MCUB: variants seen among roughly 807,000 people sequenced by gnomAD.
The protein encoded by MCUB is calcium uniporter regulatory subunit MCUb, mitochondrial.
MCUB carries 46 observed loss-of-function variants against 41.4 expected under a neutral mutation model. The ratio of observed to expected loss-of-function variants is 1.11; its 90% CI spans 0.88 to 1.42. The LOEUF (loss-of-function observed/expected upper bound fraction) is 1.42. Ranked by LOEUF, MCUB falls within the 40% of genes most tolerant of loss-of-function variation. The probability of loss-of-function intolerance (pLI) is 0.00; values close to 1 mark genes in which losing one functional copy is unlikely to be tolerated. For missense variants in MCUB, 403 were observed against 404.9 expected (o/e 1.00, Z 0.04); for synonymous variants, 148 against 148.2 (o/e 1.00, Z 0.01).
At chr4:109,620,743 T>C (rs371462859) in intron 1 of MCUB, among the ~76,000 whole-genome samples, 12 of 152,244 alleles carry the variant, frequency 7.9e-5, no homozygotes, top group Admixed American at 3.9e-4. Context: ...ATTGTCTTTA[T>C]GATGCTTTAT....
Position 109,560,394 on chromosome 4 carries a change from C to G in MCUB, c.57C>G (p.Thr19=). ...WRTRLLPTPG[T]WRPARPWPLP... is the part of the protein sequence containing the mutation. ...CGCGGCTGCTGCCGACCCCTGGCACCTGGCGCCCAGCGCGCCCGTGGCCGC... is the reference window on the plus strand; with the variant it reads ...CGCGGCTGCTGCCGACCCCTGGCACGTGGCGCCCAGCGCGCCCGTGGCCGC... Residue 19 remains threonine (T), a synonymous_variant, in exon 1 of 8, where the codon ACC becomes ACG. Coordinates refer to ENST00000394650, the MANE Select transcript of MCUB (RefSeq NM_017918.5). 1 of 1,326,144 alleles carries G rather than the reference C, an allele frequency of 7.5e-7. No individual in the cohort carries two copies. Among genetic ancestry groups the G allele is most frequent in the Non-Finnish European group, 9.6e-7 (1 of 1,038,118 alleles). 82.1% of individuals were successfully genotyped at this position (1,326,144 alleles called of 1,614,324 possible).
chr4:109,561,083 G>GT (rs1299122569), intron 1 of MCUB: 5 of 152,610 alleles, frequency 3.3e-5, no homozygotes, highest in African/African-American at 1.2e-4. Flanking sequence ...TGGAGGAGTA[G>GT]AGAGTGGATG....
chr4:109,624,026 A>C (rs1243622142), intron 1 of MCUB, among the ~76,000 whole-genome samples: 1 of 152,018 alleles, frequency 6.6e-6, no homozygotes, highest in Non-Finnish European at 1.5e-5. Flanking sequence ...ATTTTTAAAA[A>C]ATTTTTTGTA....
intron 1 of MCUB, among the ~76,000 whole-genome samples, chr4:109,615,564 C>T (rs951703456): frequency 9.9e-5 from 15 of 151,904 alleles, no homozygotes; most frequent in Non-Finnish European, 1.6e-4. Flanking sequence ...GCACCACCTA[C>T]GCCCGGCTAA....
intron 1 of MCUB, among the ~76,000 whole-genome samples, chr4:109,576,013 C>T (rs960284592): frequency 6.6e-6 from 1 of 152,190 alleles, no homozygotes; most frequent in Non-Finnish European, 1.5e-5. Context: ...GGATTCTCAC[C>T]TCTGCTGGCT....
intron 3 of MCUB, among the ~76,000 whole-genome samples, chr4:109,663,700 G>A (rs116033651): frequency 1.3e-5 from 2 of 152,046 alleles, no homozygotes; most frequent in African/African-American, 4.8e-5. Flanking sequence ...AGAAAGGCAG[G>A]GTTTTTAAAT....
intron 4 of MCUB, among the ~76,000 whole-genome samples, chr4:109,674,951 T>C (rs1465041280): frequency 6.6e-6 from 1 of 152,236 alleles, no homozygotes; most frequent in African/African-American, 2.4e-5. Flanking sequence ...AGCAAGCTGG[T>C]TTGGCCAGAC....
chr4:109,645,466 T>G (rs1217474261), intron 1 of MCUB, among the ~76,000 whole-genome samples: 1 of 150,730 alleles, frequency 6.6e-6, no homozygotes, highest in Non-Finnish European at 1.5e-5. Flanking sequence ...AAAGTCAAAT[T>G]ACTTCTAGAT....
In MCUB at chr4:109,687,538, G is replaced by A. The variant is rs753083690; in HGVS notation, c.957G>A (p.Ala319=). Residue 319 remains alanine (A), a synonymous_variant, in exon 8 of 8, where the codon GCG becomes GCA. Transcript: ENST00000394650. ...AGGCTAAAGAATCCCTGAAACAGGC[G>A]CGTCATTCTCTCTGTTTGCAAATGC... The part of the protein sequence containing the change: ...LAKAKESLKQ[A]RHSLCLQMQV... The A allele has an allele frequency of 3.3e-5, 53 of 1,612,302 alleles. No individual in the cohort carries two copies. The highest frequency in any genetic ancestry group is 4.4e-5 in the South Asian group (4 of 90,886).
At chr4:109,595,799 C>G in intron 1 of MCUB, among the ~76,000 whole-genome samples, 1 of 152,232 alleles carries the variant, frequency 6.6e-6, no homozygotes, top group Non-Finnish European at 1.5e-5. Flanking sequence ...TCATCTTGAC[C>G]AATGATAAAA....
chr4:109,597,808 G>A (rs1379769478), intron 1 of MCUB, among the ~76,000 whole-genome samples: 3 of 151,574 alleles, frequency 2.0e-5, no homozygotes, highest in African/African-American at 4.8e-5. Flanking sequence ...CGGGGCAGCT[G>A]CTGGGCAGAG....
At chr4:109,619,277 A>C (rs1728202254) in intron 1 of MCUB, among the ~76,000 whole-genome samples, 1 of 151,962 alleles carries the variant, frequency 6.6e-6, no homozygotes, top group Non-Finnish European at 1.5e-5. Flanking sequence ...ACATGGTTTC[A>C]CATGTTGTCT....
At chr4:109,569,086 A>G (rs1726848212) in intron 1 of MCUB, among the ~76,000 whole-genome samples, 1 of 152,146 alleles carries the variant, frequency 6.6e-6, no homozygotes, top group Admixed American at 6.5e-5. Context: ...TGGCTCTGTC[A>G]CCCAGGCTGG....
At chr4:109,655,113 CACTTT>C (rs1461249486) in intron 1 of MCUB, among the ~76,000 whole-genome samples, 3 of 152,192 alleles carry the variant, frequency 2.0e-5, no homozygotes, top group African/African-American at 7.2e-5. Context: ...CTCAAGGAAA[CACTTT>C]ACTTATGTTT....
intron 1 of MCUB, among the ~76,000 whole-genome samples, chr4:109,565,328 T>C (rs1229884180): frequency 6.6e-6 from 1 of 152,232 alleles, no homozygotes; most frequent in East Asian, 1.9e-4. Flanking sequence ...ACTGTCTGTA[T>C]AATATACACT....
intron 1 of MCUB, among the ~76,000 whole-genome samples, chr4:109,573,900 T>G (rs1239170656): frequency 7.3e-6 from 1 of 136,342 alleles, no homozygotes; most frequent in Non-Finnish European, 1.5e-5. Flanking sequence ...TGAGACAGAG[T>G]TTCGCTCTGT....
At chr4:109,672,004 G>A (rs988282354) in intron 4 of MCUB, among the ~76,000 whole-genome samples, 2 of 151,986 alleles carry the variant, frequency 1.3e-5, no homozygotes, top group African/African-American at 2.4e-5. Flanking sequence ...TCTGTGCCTT[G>A]TATAAAACTG....
At chr4:109,592,851 T>C (rs1050749903) in intron 1 of MCUB, among the ~76,000 whole-genome samples, 8 of 152,368 alleles carry the variant, frequency 5.3e-5, no homozygotes, top group African/African-American at 1.9e-4. Flanking sequence ...CAGCAAGTTC[T>C]CTCATGCTTT....
rs770271204 is a variant in MCUB, at chr4:109,625,856, AGTC to A, written c.100-33154_100-33152del. Among the ~76,000 whole-genome samples the A allele has an allele frequency of 3.4e-4, 51 of 152,236 alleles. 1 individual carries two copies. Among genetic ancestry groups the A allele is most frequent in the Admixed American group, 1.7e-3 (26 of 15,276 alleles). On this transcript the variant is annotated intron_variant, in intron 1 of 7. Coordinates refer to ENST00000394650, the MANE Select transcript of MCUB (RefSeq NM_017918.5). ...ATGCAGTTTCCATTGAGTATACAGTAGTCAGAAAATTATTTCTTTAGGTTGTCT... is the reference window on the plus strand; with the variant it reads ...ATGCAGTTTCCATTGAGTATACAGTAAGAAAATTATTTCTTTAGGTTGTCT...
Sources: gnomAD v4.1 joint callset for allele counts (sites outside exome capture counted in the v4.1 genomes callset) on GRCh38, gnomAD v4.1.1 for gene constraint, MANE v1.5 for transcripts, NCBI Gene and HGNC (gene_info 2026-07-23, HGNC 2026-07-21) for gene names.